ST3GAL2: variants seen among roughly 807,000 people sequenced by gnomAD.
ST3GAL2 encodes CMP-N-acetylneuraminate-beta-galactosamide-alpha-2,3-sialyltransferase 2.
A neutral mutation model predicts 37.5 loss-of-function variants in ST3GAL2; 16 were observed. The observed-to-expected ratio is 0.43, with a 90% CI of 0.29 to 0.65. The LOEUF (loss-of-function observed/expected upper bound fraction) is 0.65. Among genes scored for constraint, ST3GAL2 ranks in the 30% least tolerant of loss-of-function variants. The pLI is 0.17. For missense variants in ST3GAL2, 383 were observed against 487.8 expected (o/e 0.79, Z 2.02); for synonymous variants, 238 against 202.9 (o/e 1.17, Z -1.47).
Position 70,376,586 on chromosome 16 carries a change from A to G in ST3GAL2, c.*5103T>C, listed in dbSNP as rs1400953101. 1 of 152,174 alleles carries G rather than the reference A, an allele frequency of 6.6e-6. No individual in the cohort carries two copies. The highest frequency in any genetic ancestry group is 6.6e-5 in the Admixed American group (1 of 15,264). 9.4% of individuals were successfully genotyped at this position (152,174 alleles called of 1,614,324 possible). Reference sequence around the variant, plus strand: ...TGCAGGAGCTGTGATTTTTTTCACAAAAGTAGTGAGAAGGGGCATTGATTC... The same window carrying G: ...TGCAGGAGCTGTGATTTTTTTCACAGAAGTAGTGAGAAGGGGCATTGATTC... On this transcript the variant is annotated 3_prime_UTR_variant, in exon 7 of 7. Transcript: ENST00000342907.
chr16:70,386,187 G>GTT (rs1025981000), intron 4 of ST3GAL2, among the ~76,000 whole-genome samples: 1 of 143,286 alleles, frequency 7.0e-6, no homozygotes, highest in Non-Finnish European at 1.5e-5. Context: ...CACCCAGCTA[G>GTT]TTTTTTTTTT....
chr16:70,436,291 C>T (rs868278819), intron 1 of ST3GAL2, among the ~76,000 whole-genome samples: 7 of 151,700 alleles, frequency 4.6e-5, no homozygotes, highest in Non-Finnish European at 1.0e-4. Flanking sequence ...AGCGGGGTGT[C>T]GTGGCGTATG....
intron 1 of ST3GAL2, among the ~76,000 whole-genome samples, chr16:70,427,333 GTCT>G (rs1250207335): frequency 2.8e-5 from 4 of 145,452 alleles, no homozygotes; most frequent in African/African-American, 5.2e-5. Flanking sequence ...CTCAAACCCA[GTCT>G]TCTTTTTTTT....
chr16:70,394,920 G>A (rs1171335888), intron 3 of ST3GAL2, 62 bp downstream of exon 3: 12 of 1,562,330 alleles, frequency 7.7e-6, no homozygotes, highest in African/African-American at 1.4e-5. Context: ...CAAGGCAGAG[G>A]AGGGCAGTCC....
At chr16:70,409,255 A>C (rs2047618791) in intron 1 of ST3GAL2, among the ~76,000 whole-genome samples, 1 of 152,168 alleles carries the variant, frequency 6.6e-6, no homozygotes, top group African/African-American at 2.4e-5. Flanking sequence ...CAACAGAGTG[A>C]GACCTCATCT....
intron 1 of ST3GAL2, among the ~76,000 whole-genome samples, chr16:70,431,786 A>AC (rs1455165857): frequency 6.6e-6 from 1 of 151,296 alleles, no homozygotes; most frequent in African/African-American, 2.4e-5. Flanking sequence ...ATACAGTGAA[A>AC]CCCCGTCTCT....
rs141117982 is a variant in ST3GAL2, at chr16:70,391,313, C to A, written c.534-2767G>T. Among the ~76,000 whole-genome samples, 580 of 152,316 alleles carry A rather than the reference C, an allele frequency of 3.8e-3. 2 individuals are homozygous for A. Among genetic ancestry groups the A allele is most frequent in the South Asian group, 0.011 (53 of 4,824 alleles). ...CACTTCCGTTCTAGCTGGCTTCAAG[C>A]AGATGCCCAGAATTTCCTCCAGAGA... On this transcript the variant is annotated intron_variant, in intron 3 of 6. Coordinates refer to ENST00000342907, the MANE Select transcript of ST3GAL2 (RefSeq NM_006927.4).
rs922944989 is a variant in ST3GAL2 at position 70,398,384 on chromosome 16, C to T, written c.147G>A (p.Lys49=). ...SGALDGTHRV[K]LVPGYAGLQR... ...GCAGGCCGGCATAGCCGGGCACCAG[C>T]TTCACCCGGTGCGTCCCATCCAGGG... The change falls in exon 2 of 7, where the codon AAG becomes AAA. Residue 49 remains lysine (K), a synonymous_variant. Coordinates refer to ENST00000342907, the MANE Select transcript of ST3GAL2 (RefSeq NM_006927.4). 3.7e-6 allele frequency: 6 copies of T among 1,613,474 alleles called. No homozygotes were observed. Among genetic ancestry groups the T allele is most frequent in the Non-Finnish European group, 4.2e-6 (5 of 1,180,022 alleles).
intron 1 of ST3GAL2, among the ~76,000 whole-genome samples, chr16:70,418,207 G>A (rs988215753): frequency 6.6e-6 from 1 of 152,180 alleles, no homozygotes; most frequent in Non-Finnish European, 1.5e-5. Flanking sequence ...TGACCCCTTA[G>A]CCAAGCCCTT....
In ST3GAL2 at chr16:70,381,957, GCCCCGGGGAGATGCAGGAGC is replaced by G. The variant is rs1195767327; in HGVS notation, c.880-115_880-96del. 11 of 1,516,912 alleles carry G rather than the reference GCCCCGGGGAGATGCAGGAGC, an allele frequency of 7.3e-6. No homozygotes were observed. The East Asian group carries it at 2.5e-4, about 34-fold the overall frequency. The allele number at this position is 1,516,912 out of a possible 1,614,324, so 94.0% of individuals were successfully genotyped here. On this transcript the variant is annotated intron_variant, in intron 6 of 6. Transcript: ENST00000342907. Reference sequence around the variant, plus strand: ...TGACAGGGAGGAGAGGGGACGGGAGGCCCCGGGGAGATGCAGGAGCCCCCAGGCCTGGCCTAAGGACATGG... The same window carrying G: ...TGACAGGGAGGAGAGGGGACGGGAGGCCCCAGGCCTGGCCTAAGGACATGG...
chr16:70,436,849 A>G (rs1052081551), intron 1 of ST3GAL2, among the ~76,000 whole-genome samples: 2 of 152,208 alleles, frequency 1.3e-5, no homozygotes, highest in African/African-American at 2.4e-5. Context: ...GTATACAAAT[A>G]TGGCCAAAAT....
At chr16:70,390,510 G>A (rs887218871) in intron 3 of ST3GAL2, among the ~76,000 whole-genome samples, 3 of 152,188 alleles carry the variant, frequency 2.0e-5, no homozygotes, top group Middle Eastern at 3.2e-3. Flanking sequence ...GCCCTGGGCC[G>A]GATGGAAGCC....
intron 6 of ST3GAL2, 109 bp from the exon 7 acceptor site, chr16:70,381,971 C>G (rs2151655433): frequency 7.1e-7 from 1 of 1,399,552 alleles, no homozygotes; most frequent in African/African-American, 1.4e-5. Flanking sequence ...CGGGGAGATG[C>G]AGGAGCCCCC....
chr16:70,389,764 ATTTTGTTTGTTTGGGTT>A (rs2047470174), intron 3 of ST3GAL2, among the ~76,000 whole-genome samples: 2 of 127,920 alleles, frequency 1.6e-5, no homozygotes, highest in South Asian at 2.5e-4. Flanking sequence ...GAGCCCAGCC[ATTTTGTTTGTTTGGGTT>A]TTTTGTTTGT....
intron 1 of ST3GAL2, among the ~76,000 whole-genome samples, chr16:70,426,193 T>TG (rs1267176146): frequency 2.1e-5 from 3 of 142,940 alleles, no homozygotes; most frequent in Non-Finnish European, 4.6e-5. Context: ...TTTTTTTTTT[T>TG]TTTTTTTTTT....
intron 1 of ST3GAL2, among the ~76,000 whole-genome samples, chr16:70,419,378 T>A (rs528056781): frequency 6.6e-6 from 1 of 152,160 alleles, no homozygotes; most frequent in Non-Finnish European, 1.5e-5. Context: ...AGGAAAGAGG[T>A]CACAATCCAA....
At chr16:70,426,203 T>G (rs1353949397) in intron 1 of ST3GAL2, among the ~76,000 whole-genome samples, 6 of 133,466 alleles carry the variant, frequency 4.5e-5, no homozygotes, top group South Asian at 2.4e-4. Context: ...TTTTTTTTTT[T>G]TTGTTTTTGA....
intron 1 of ST3GAL2, among the ~76,000 whole-genome samples, chr16:70,417,428 A>G (rs1258288357): frequency 6.6e-6 from 1 of 151,708 alleles, no homozygotes; most frequent in Non-Finnish European, 1.5e-5. Flanking sequence ...TTGCCCCTAG[A>G]CCCAGCAGAG....
chr16:70,425,537 T>C (rs1046523231), intron 1 of ST3GAL2, among the ~76,000 whole-genome samples: 3 of 152,036 alleles, frequency 2.0e-5, no homozygotes, highest in Admixed American at 1.3e-4. Context: ...TGCTTTGCCA[T>C]AGTTCTACTG....
Sources: gnomAD v4.1 joint callset for allele counts (sites outside exome capture counted in the v4.1 genomes callset) on GRCh38, gnomAD v4.1.1 for gene constraint, MANE v1.5 for transcripts, NCBI Gene and HGNC (gene_info 2026-07-23, HGNC 2026-07-21) for gene names.